The following TBC1D31 variants were observed in gnomAD, a reference collection of about 807,000 sequenced individuals.
TBC1D31 encodes TBC1 domain family member 31.
In TBC1D31, 99 loss-of-function variants were observed where a neutral mutation model predicts 132.9. That is an observed-to-expected ratio of 0.74 (90% CI 0.63 to 0.88). TBC1D31 has a LOEUF of 0.88. TBC1D31 is among the 40% of genes least tolerant of loss of function. The pLI, the probability that TBC1D31 is intolerant of heterozygous loss-of-function variation, is 0.00. For synonymous variants in TBC1D31, 385 were observed against 419.4 expected, an observed-to-expected ratio of 0.92 and a Z score of 1.00; for missense variants, 1,134 against 1,256.6, an observed-to-expected ratio of 0.90 and a Z score of 1.48.
intron 11 of TBC1D31, 41 bp from the exon 12 acceptor site, chr8:123,126,015 A>T: frequency 6.7e-7 from 1 of 1,495,310 alleles, no homozygotes; most frequent in Non-Finnish European, 9.0e-7. Context: ...GATAACATGG[A>T]AAGATATTTA....
At chr8:123,097,950 C>G (rs1816989103) in intron 6 of TBC1D31, 1 of 152,292 alleles carries the variant, frequency 6.6e-6, no homozygotes, top group African/African-American at 2.4e-5. Flanking sequence ...CAGAGTGCTT[C>G]TTCCTTCATC....
intron 10 of TBC1D31, among the ~76,000 whole-genome samples, chr8:123,112,933 C>T (rs1381679666): frequency 6.6e-6 from 1 of 152,092 alleles, no homozygotes; most frequent in African/African-American, 2.4e-5. Flanking sequence ...CCAGTGTAGA[C>T]TGTCAGTGCC....
intron 10 of TBC1D31, among the ~76,000 whole-genome samples, chr8:123,119,536 C>A (rs771376718): frequency 6.6e-6 from 1 of 152,114 alleles, no homozygotes; most frequent in Non-Finnish European, 1.5e-5. Context: ...TATAGTGAGA[C>A]CCTGTCTCTA....
chr8:123,110,208 T>C (rs984340556), intron 10 of TBC1D31, among the ~76,000 whole-genome samples: 9 of 152,236 alleles, frequency 5.9e-5, no homozygotes, highest in Admixed American at 1.3e-4. Context: ...GTTATTTTAC[T>C]TCTTAGCCTT....
chr8:123,133,559 G>T (rs1429696418), intron 16 of TBC1D31, among the ~76,000 whole-genome samples: 1 of 152,138 alleles, frequency 6.6e-6, no homozygotes, highest in African/African-American at 2.4e-5. Context: ...TCTCTAGAGA[G>T]TTCCATATCC....
chr8:123,082,476 C>T (rs1008322012), intron 2 of TBC1D31: 3 of 465,810 alleles, frequency 6.4e-6, no homozygotes, highest in Non-Finnish European at 1.1e-5. Flanking sequence ...TCCTAAAACA[C>T]ATACCTGATT....
In TBC1D31 at chr8:123,108,997, C is replaced by T. The variant is rs115616855; in HGVS notation, c.1210-320C>T. ...GTCACCTCCCACCAGGTCCATCCTT[C>T]AACACGTGGGGATTGTGGGGATTGT... On this transcript the variant is annotated intron_variant, in intron 8 of 21. Coordinates refer to ENST00000287380, the MANE Select transcript of TBC1D31 (RefSeq NM_145647.4). 2.0e-3 allele frequency among the ~76,000 whole-genome samples: 310 copies of T among 152,274 alleles called. 1 individual carries two copies. Among genetic ancestry groups the T allele is most frequent in the African/African-American group, 7.1e-3 (294 of 41,562 alleles).
intron 10 of TBC1D31, among the ~76,000 whole-genome samples, chr8:123,110,997 T>C (rs979832331): frequency 2.6e-5 from 4 of 152,310 alleles, no homozygotes; most frequent in African/African-American, 9.6e-5. Context: ...TGGGTTTTGC[T>C]GATTTTATTT....
the TBC1D31 span, among the ~76,000 whole-genome samples, chr8:123,159,239 A>G: frequency 0.76 from 113,595 of 148,684 alleles, 43,465 homozygotes; most frequent in Middle Eastern, 0.81. Context: ...CCACTTCCAC[A>G]GTTATTCCCT....
chr8:123,098,346 G>C lies in TBC1D31; in HGVS notation c.831+905G>C, dbSNP rs552831618. Among the ~76,000 whole-genome samples, 3 of 152,248 alleles carry C rather than the reference G, an allele frequency of 2.0e-5. No homozygotes were observed. In the South Asian group the frequency reaches 6.2e-4, roughly 32 times the overall value. On this transcript the variant is annotated intron_variant, in intron 6 of 21. Transcript: ENST00000287380. ...AGATGGAGTCTAGCTCTGTCTCCCA[G>C]GCTGGAGTGCAGTGGTGCAATCTTG...
chr8:123,147,077 G>A (rs972601039), intron 20 of TBC1D31, among the ~76,000 whole-genome samples: 2 of 152,092 alleles, frequency 1.3e-5, no homozygotes, highest in Non-Finnish European at 2.9e-5. Context: ...ATGTGACTCT[G>A]CACGAATTAA....
At chr8:123,083,996 C>T (rs1586562722) in intron 3 of TBC1D31, 166 bp from the exon 4 acceptor site, 3 of 596,746 alleles carry the variant, frequency 5.0e-6, no homozygotes, top group East Asian at 5.5e-5. Flanking sequence ...TTCCGTCATA[C>T]ACTTTATCAA....
intron 10 of TBC1D31, among the ~76,000 whole-genome samples, chr8:123,115,693 T>G (rs1388499136): frequency 6.6e-6 from 1 of 152,108 alleles, no homozygotes; most frequent in Non-Finnish European, 1.5e-5. Flanking sequence ...TTCTGCAGGT[T>G]TCCCATATTT....
At chr8:123,094,668 TAG>T (rs1444808017) in intron 5 of TBC1D31, among the ~76,000 whole-genome samples, 3 of 151,978 alleles carry the variant, frequency 2.0e-5, no homozygotes, top group Non-Finnish European at 4.4e-5. Context: ...GCCTCCCAAG[TAG>T]CTGGGATTAC....
intron 10 of TBC1D31, among the ~76,000 whole-genome samples, chr8:123,111,291 T>G (rs1222599491): frequency 6.6e-6 from 1 of 152,234 alleles, no homozygotes; most frequent in African/African-American, 2.4e-5. Flanking sequence ...CTGTTCCTTC[T>G]CATTTTATAA....
chr8:123,152,466 G>A (rs953523199), downstream of TBC1D31, among the ~76,000 whole-genome samples: 1 of 152,060 alleles, frequency 6.6e-6, no homozygotes, highest in Admixed American at 6.6e-5. Context: ...TGGCAGCACC[G>A]ACTGCTCTTC....
intron 20 of TBC1D31, among the ~76,000 whole-genome samples, chr8:123,147,567 G>A (rs1006960334): frequency 4.6e-5 from 7 of 152,142 alleles, no homozygotes; most frequent in Admixed American, 2.6e-4. Context: ...TTTCGTCATC[G>A]GTAGTTTTCC....
At chr8:123,081,200 C>G (rs1181358871) in intron 2 of TBC1D31, among the ~76,000 whole-genome samples, 1 of 152,218 alleles carries the variant, frequency 6.6e-6, no homozygotes, top group Non-Finnish European at 1.5e-5. Context: ...ACTGACTCTT[C>G]TTCCAGTGCC....
At chr8:123,157,060 A>C (rs536443528), downstream of TBC1D31, among the ~76,000 whole-genome samples, 1 of 152,168 alleles carries the variant, frequency 6.6e-6, no homozygotes, top group Non-Finnish European at 1.5e-5. Flanking sequence ...TTTCCTGGAC[A>C]CTCGGGCCGC....
Sources: gnomAD v4.1 joint callset for allele counts (sites outside exome capture counted in the v4.1 genomes callset) on GRCh38, gnomAD v4.1.1 for gene constraint, MANE v1.5 for transcripts, NCBI Gene and HGNC (gene_info 2026-07-23, HGNC 2026-07-21) for gene names.